The following MAD1L1 variants were observed in gnomAD, a reference collection of about 807,000 sequenced individuals.
MAD1L1 encodes mitotic arrest deficient 1 like 1.
MAD1L1 carries 95 observed loss-of-function variants against 96.9 expected under a neutral mutation model. The observed-to-expected ratio is 0.98, with a 90% confidence interval of 0.83 to 1.16. The LOEUF (loss-of-function observed/expected upper bound fraction) is 1.16. Ranked by LOEUF, MAD1L1 falls within the 50% of genes most tolerant of loss-of-function variation. The pLI, the probability that MAD1L1 is intolerant of heterozygous loss-of-function variation, is 0.00. For synonymous variants in MAD1L1, 473 were observed against 396.6 expected (o/e 1.19, Z -2.29); for missense variants, 1,007 against 954.4 (o/e 1.06, Z -0.73).
rs1779562592 is a variant in MAD1L1, at chr7:1,952,849, C to G, written c.1596+4780G>C. 2.0e-5 allele frequency among the ~76,000 whole-genome samples: 3 copies of G among 152,354 alleles called. No homozygotes were observed. In the South Asian group the frequency reaches 6.2e-4, roughly 32 times the overall value. On this transcript the variant is annotated intron_variant, in intron 16 of 18. Transcript: ENST00000265854. The stretch of plus-strand genomic sequence containing the variant: ...AAAGAGCCGAACACAGAATGAAGGT[C>G]CCACTGATGAGCCACATGCGTTACT...
intron 16 of MAD1L1, among the ~76,000 whole-genome samples, chr7:1,950,935 G>A (rs1264173438): frequency 6.6e-6 from 1 of 152,268 alleles, no homozygotes; most frequent in East Asian, 1.9e-4. Flanking sequence ...TGTGGTCAGT[G>A]CACAGGGCAC....
intron 15 of MAD1L1, among the ~76,000 whole-genome samples, chr7:1,964,919 C>T (rs763863880): frequency 1.3e-5 from 2 of 152,194 alleles, no homozygotes; most frequent in Non-Finnish European, 2.9e-5. Flanking sequence ...AGACCCGAGG[C>T]CCAACGGGCA....
chr7:2,227,731 C>T (rs1193593552), intron 3 of MAD1L1, among the ~76,000 whole-genome samples: 1 of 152,180 alleles, frequency 6.6e-6, no homozygotes, highest in African/African-American at 2.4e-5. Flanking sequence ...CTAAGACTGC[C>T]CTTCAAACTC....
intron 15 of MAD1L1, among the ~76,000 whole-genome samples, chr7:1,961,939 G>A (rs1290685570): frequency 6.6e-6 from 1 of 150,548 alleles, no homozygotes; most frequent in Non-Finnish European, 1.5e-5. Context: ...CGTGTGTTGT[G>A]GCAGGGACGT....
chr7:2,168,837 G>A (rs11981740), intron 10 of MAD1L1, among the ~76,000 whole-genome samples: 74 of 152,344 alleles, frequency 4.9e-4, no homozygotes, highest in African/African-American at 1.7e-3. Context: ...GAGGCCACCG[G>A]GAGGACTCAG....
Position 1,816,189 on chromosome 7 carries a change from T to G in MAD1L1, c.2038A>C (p.Thr680Pro). 6.2e-7 allele frequency: 1 copy of G among 1,612,944 alleles called. No individual in the cohort carries two copies. The highest frequency in any genetic ancestry group is 1.1e-5 in the South Asian group (1 of 91,012). The part of the protein sequence containing the change: ...PSGSKMQLLE[T>P]EFSHTVGELI... The stretch of plus-strand genomic sequence containing the variant: ...TCGCCCACGGTGTGTGAGAACTCTG[T>G]CTCCAGTAGCTGCATCTTGGAACCC... The change falls in exon 19 of 19, where the codon ACA becomes CCA. Residue 680 changes from threonine to proline, a missense_variant. Transcript: ENST00000265854.
chr7:1,868,921 GGAAGCGCCGCCTCACC>G (rs1365313810), intron 18 of MAD1L1, among the ~76,000 whole-genome samples: 8 of 152,188 alleles, frequency 5.3e-5, no homozygotes, highest in Non-Finnish European at 1.0e-4. Context: ...AGCTGAGCAC[GGAAGCGCCGCCTCACC>G]GCGCCAGGCA....
intron 16 of MAD1L1, among the ~76,000 whole-genome samples, chr7:1,947,292 G>C (rs536072249): frequency 3.9e-5 from 6 of 152,354 alleles, no homozygotes; most frequent in Non-Finnish European, 5.9e-5. Context: ...CAATACTTGG[G>C]GAGGGAGGCG....
At chr7:2,069,022 C>G (rs544112316) in intron 12 of MAD1L1, among the ~76,000 whole-genome samples, 172 bp downstream of exon 12, 64 of 152,304 alleles carry the variant, frequency 4.2e-4, no homozygotes, top group African/African-American at 1.4e-3. Context: ...CAGGGAGCAC[C>G]GGGGCTGAGC....
At position 2,211,914 on chromosome 7, in the gene MAD1L1, G is replaced by A. The variant is rs551786143; in HGVS notation, c.986+1298C>T. Among the ~76,000 whole-genome samples the A allele has an allele frequency of 9.8e-5, 15 of 152,334 alleles. No individual in the cohort carries two copies. The East Asian group carries it at 2.1e-3, about 22-fold the overall frequency. ...ACAGCAGGAAAGACAGGCAAGAAGC[G>A]GGAAGCCTTGAAATCTCACAAGCAA... On this transcript the variant is annotated intron_variant, in intron 10 of 18. Coordinates refer to ENST00000265854, the MANE Select transcript of MAD1L1 (RefSeq NM_001013836.2).
chr7:1,885,531 G>A (rs1344506139), intron 18 of MAD1L1, among the ~76,000 whole-genome samples: 2 of 152,142 alleles, frequency 1.3e-5, no homozygotes, highest in Non-Finnish European at 2.9e-5. Flanking sequence ...GATTTCAGGC[G>A]AATGTGTGAC....
chr7:1,980,631 G>T, intron 14 of MAD1L1, 90 bp from the exon 15 acceptor site: 2 of 1,012,102 alleles, frequency 2.0e-6, no homozygotes, highest in Non-Finnish European at 3.1e-6. Context: ...GACCACCCCT[G>T]GCAGCACCCC....
intron 18 of MAD1L1, among the ~76,000 whole-genome samples, chr7:1,868,921 G>A (rs541463632): frequency 1.3e-5 from 2 of 152,306 alleles, no homozygotes; most frequent in South Asian, 2.1e-4. Context: ...AGCTGAGCAC[G>A]GAAGCGCCGC....
rs1468607453 is a variant in MAD1L1, at chr7:2,114,672, TG to T, written c.1073+34479del. 2.6e-5 allele frequency among the ~76,000 whole-genome samples: 4 copies of T among 152,226 alleles called. No homozygotes were observed. Among genetic ancestry groups the T allele is most frequent in the Non-Finnish European group, 4.4e-5 (3 of 68,036 alleles). On this transcript the variant is annotated intron_variant, in intron 11 of 18. Transcript: ENST00000265854. This position sits in a 1 kb window ranked among gnomAD's most constrained non-coding sequence, Gnocchi z 4.2. ...ACAGCCTGTTTTTGTAAACAACTTTTGTTTTTTTAACAAAGTTTTGATGGAG... is the reference window on the plus strand; with the variant it reads ...ACAGCCTGTTTTTGTAAACAACTTTTTTTTTTTAACAAAGTTTTGATGGAG...
At chr7:1,823,042 T>C (rs1056045190) in intron 18 of MAD1L1, among the ~76,000 whole-genome samples, 12 of 152,054 alleles carry the variant, frequency 7.9e-5, no homozygotes, top group Non-Finnish European at 1.5e-4. Flanking sequence ...AGCTTGGTAT[T>C]TGAAAATCAA....
intron 4 of MAD1L1, among the ~76,000 whole-genome samples, chr7:2,223,147 C>T (rs764587877): frequency 1.3e-5 from 2 of 152,184 alleles, no homozygotes; most frequent in African/African-American, 2.4e-5. Flanking sequence ...ACGCTCTGTC[C>T]GGCACTGAAA....
intron 15 of MAD1L1, among the ~76,000 whole-genome samples, chr7:1,977,716 C>T (rs931751159): frequency 2.0e-5 from 3 of 152,238 alleles, no homozygotes; most frequent in South Asian, 2.1e-4. Flanking sequence ...ATCTGACACA[C>T]GCCTGGCCAT....
chr7:2,211,501 C>A (rs986506523), intron 10 of MAD1L1, among the ~76,000 whole-genome samples: 1 of 152,258 alleles, frequency 6.6e-6, no homozygotes, highest in Non-Finnish European at 1.5e-5. Flanking sequence ...CCGGGCCCAT[C>A]AGGCACGTGG....
intron 15 of MAD1L1, among the ~76,000 whole-genome samples, chr7:1,980,095 A>T (rs145617353): frequency 1.3e-5 from 2 of 152,296 alleles, no homozygotes; most frequent in East Asian, 3.9e-4. Context: ...CACACAGAGA[A>T]GGTCACGGCC....
Sources: allele counts gnomAD v4.1 joint callset (sites outside exome capture counted in the v4.1 genomes callset), GRCh38; gene constraint gnomAD v4.1.1; non-coding constraint Gnocchi (gnomAD v3.1); transcripts MANE v1.5; gene names NCBI Gene and HGNC (gene_info 2026-07-23, HGNC 2026-07-21).